Variants in RBM25 observed in about 807,000 individuals in gnomAD.
RBM25 encodes the protein RNA binding motif protein 25.
In RBM25, 19 loss-of-function variants were observed where a neutral mutation model predicts 120.7. The observed-to-expected ratio is 0.16, with a 90% CI of 0.11 to 0.23. The LOEUF (loss-of-function observed/expected upper bound fraction) is 0.23, where lower values mean the gene tolerates loss of function less well. Among genes scored for constraint, RBM25 ranks in the 10% least tolerant of loss-of-function variants. The pLI, the probability that RBM25 is intolerant of heterozygous loss-of-function variation, is 1.00. For missense variants in RBM25, 605 were observed against 1,041.5 expected, an observed-to-expected ratio of 0.58 and a Z score of 5.77; for synonymous variants, 390 against 326.7, an observed-to-expected ratio of 1.19 and a Z score of -2.09.
intron 17 of RBM25, 107 bp from the exon 18 acceptor site, chr14:73,114,179 C>A: frequency 1.3e-6 from 1 of 772,896 alleles, no homozygotes; most frequent in Non-Finnish European, 2.0e-6. Context: ...GGTTCCTTAG[C>A]CGCAAGAAGT....
At chr14:73,094,758 C>T (rs1013533239) in intron 6 of RBM25, among the ~76,000 whole-genome samples, 1 of 151,820 alleles carries the variant, frequency 6.6e-6, no homozygotes, top group Non-Finnish European at 1.5e-5. Context: ...GAACTCCTGA[C>T]CTTGTGATCC....
chr14:73,114,384 TG>T, intron 18 of RBM25, 51 bp downstream of exon 18: 1 of 1,388,550 alleles, frequency 7.2e-7, no homozygotes, highest in Non-Finnish European at 9.9e-7. Flanking sequence ...AAAAAGTTTT[TG>T]GTTTTTTTTG....
intron 4 of RBM25, among the ~76,000 whole-genome samples, chr14:73,080,790 G>A (rs528201453): frequency 6.7e-6 from 1 of 149,898 alleles, no homozygotes; most frequent in Non-Finnish European, 1.5e-5. Flanking sequence ...TGCTATGATT[G>A]TATTTTCTTT....
intron 10 of RBM25, 120 bp downstream of exon 10, chr14:73,103,598 C>T (rs1452050640): frequency 2.9e-6 from 4 of 1,397,928 alleles, no homozygotes; most frequent in African/African-American, 2.9e-5. Context: ...GACATTCTCA[C>T]TCTGTCACTC....
At chr14:73,109,576 G>A (rs183385628) in intron 14 of RBM25, 84 bp downstream of exon 14, 2 of 1,271,828 alleles carry the variant, frequency 1.6e-6, no homozygotes, top group Non-Finnish European at 2.2e-6. Context: ...GGCGGATCAC[G>A]AGGTCGGGAG....
At chr14:73,118,295 G>A (rs1896475904) in intron 18 of RBM25, among the ~76,000 whole-genome samples, 2 of 152,032 alleles carry the variant, frequency 1.3e-5, no homozygotes. Context: ...GGGCAACATA[G>A]TGAGACCCTG....
At chr14:73,069,164 A>G (rs891640022) in intron 1 of RBM25, among the ~76,000 whole-genome samples, 6 of 152,238 alleles carry the variant, frequency 3.9e-5, no homozygotes, top group African/African-American at 7.2e-5. Flanking sequence ...TTGGCCTCCC[A>G]AAGTGTTGGG....
At chr14:73,067,109 G>A (rs1040345392) in intron 1 of RBM25, among the ~76,000 whole-genome samples, 1 of 133,612 alleles carries the variant, frequency 7.5e-6, no homozygotes, top group Non-Finnish European at 1.6e-5. Flanking sequence ...TTGCTCTGTC[G>A]CCCAGGCTGA....
At chr14:73,104,603 G>A (rs1027033538) in intron 10 of RBM25, among the ~76,000 whole-genome samples, 4 of 151,974 alleles carry the variant, frequency 2.6e-5, no homozygotes, top group Non-Finnish European at 1.5e-5. Context: ...CTGAGCTCAG[G>A]TAATCTGCCT....
At chr14:73,069,126 A>C (rs1895214190) in intron 1 of RBM25, among the ~76,000 whole-genome samples, 1 of 151,844 alleles carries the variant, frequency 6.6e-6, no homozygotes, top group Non-Finnish European at 1.5e-5. Flanking sequence ...CTGGTCTAGA[A>C]CTCTTGACCT....
chr14:73,075,240 C>T (rs925895820), intron 2 of RBM25, among the ~76,000 whole-genome samples: 1 of 151,958 alleles, frequency 6.6e-6, no homozygotes, highest in African/African-American at 2.4e-5. Context: ...CGGCTCACTG[C>T]AACCTCTGCC....
chr14:73,068,134 G>T (rs1895186623), intron 1 of RBM25: 2 of 783,046 alleles, frequency 2.6e-6, no homozygotes, highest in African/African-American at 1.7e-5. Flanking sequence ...CTGGAAGGTT[G>T]GTCCTAGATG....
In RBM25 at chr14:73,066,579, A is replaced by G. The variant is rs2140422324; in HGVS notation, c.-15-5048A>G. ...GGCAGGAGAATCGCTTGAACCCGAC[A>G]GGCGGAGGTTTCAGTGAGCTGAGAT... On this transcript the variant is annotated intron_variant, in intron 1 of 18. Transcript: ENST00000261973. Among the ~76,000 whole-genome samples the G allele has an allele frequency of 2.7e-5, 4 of 150,458 alleles. 1 individual carries two copies. The Middle Eastern group carries it at 0.014, about 522-fold the overall frequency.
chr14:73,068,474 T>G, intron 1 of RBM25: 1 of 863,242 alleles, frequency 1.2e-6, no homozygotes, highest in East Asian at 3.2e-5. Flanking sequence ...CAAATCCAAG[T>G]TTTGACGTAT....
chr14:73,059,418 C>T (rs1894946765), intron 1 of RBM25: 1 of 152,162 alleles, frequency 6.6e-6, no homozygotes, highest in Admixed American at 6.6e-5. Context: ...GTTACTTTCT[C>T]ATTTTTCTTT....
Position 73,088,038 on chromosome 14 carries a change from C to A in RBM25, c.420C>A (p.Thr140=), listed in dbSNP as rs757750287. ...GTGAGTACAAGGAGCCAGAATCTAC[C>A]CTCCGTGCACTCAGATTATTACATG... is the stretch of plus-strand genomic sequence containing the variant. ...GFCEYKEPES[T]LRALRLLHDL... Residue 140 remains threonine, a synonymous_variant, in exon 6 of 19, where the codon ACC becomes ACA. Coordinates refer to ENST00000261973, the MANE Select transcript of RBM25 (RefSeq NM_021239.3). 1 of 1,613,998 alleles carries A rather than the reference C, an allele frequency of 6.2e-7. No homozygotes were observed. The highest frequency in any genetic ancestry group is 1.7e-5 in the Admixed American group (1 of 59,992).
chr14:73,063,110 C>G (rs1895043564), intron 1 of RBM25, among the ~76,000 whole-genome samples: 1 of 151,182 alleles, frequency 6.6e-6, no homozygotes, highest in Non-Finnish European at 1.5e-5. Flanking sequence ...GTATGAGCCA[C>G]TGCACCTGGC....
chr14:73,106,244 G>A lies in RBM25; in HGVS notation c.1426G>A (p.Glu476Lys). 2 of 1,600,250 alleles carry A rather than the reference G, an allele frequency of 1.2e-6. No individual in the cohort carries two copies. Among genetic ancestry groups the A allele is most frequent in the Non-Finnish European group, 1.7e-6 (2 of 1,175,776 alleles). The change falls in exon 12 of 19, where the codon GAG becomes AAG. Residue 476 changes from glutamate to lysine, a missense_variant. Coordinates refer to ENST00000261973, the MANE Select transcript of RBM25 (RefSeq NM_021239.3). ...IRERKKTREYEKEAEREEERR... is the reference protein window; with the variant it reads ...IRERKKTREYKKEAEREEERR... ...AGAACGAAAGAAAACCCGGGAATAT[G>A]AGAAAGAAGCTGAAAGAGAAGAAGA...
rs1372818091 is a variant in RBM25 at position 73,097,191 on chromosome 14, CTTTTCTTTT to C, written c.729+96_729+104del. ...TGATTACATGTCAGTTTTCTTTTTTCTTTTCTTTTTTTTTTTTTTTTTTTTTTGAGATGG... is the reference window on the plus strand; with the variant it reads ...TGATTACATGTCAGTTTTCTTTTTTCTTTTTTTTTTTTTTTTTTGAGATGG... On this transcript the variant is annotated intron_variant, in intron 7 of 18. Transcript: ENST00000261973. 20 of 375,726 alleles carry C rather than the reference CTTTTCTTTT, an allele frequency of 5.3e-5. 1 individual carries two copies. The Admixed American group carries it at 8.1e-4, about 15-fold the overall frequency. 23.3% of individuals were successfully genotyped at this position (375,726 alleles called of 1,614,324 possible). A position where few individuals can be genotyped will look rare whatever the true frequency, so the allele number is the denominator to read the frequency against.
Sources: gnomAD v4.1 joint callset for allele counts (sites outside exome capture counted in the v4.1 genomes callset) on GRCh38, gnomAD v4.1.1 for gene constraint, MANE v1.5 for transcripts, NCBI Gene and HGNC (gene_info 2026-07-23, HGNC 2026-07-21) for gene names.